Variants in MED13L observed in about 807,000 individuals in gnomAD.
The protein encoded by MED13L is mediator complex subunit 13L.
Under a neutral mutation model 220.9 loss-of-function variants are expected in MED13L, and 7 were observed. The ratio of observed to expected loss-of-function variants is 0.03; its 90% CI spans 0.02 to 0.06. The LOEUF is 0.06. MED13L is among the 10% of genes least tolerant of loss of function. MED13L has a pLI of 1.00. For missense variants in MED13L, 1,965 were observed against 2,760.5 expected (o/e 0.71, Z 6.46); for synonymous variants, 1,011 against 1,015.2 (o/e 1.00, Z 0.08).
At chr12:116,152,585 A>T (rs946033089) in intron 2 of MED13L, among the ~76,000 whole-genome samples, 2 of 152,148 alleles carry the variant, frequency 1.3e-5, no homozygotes, top group African/African-American at 2.4e-5. Context: ...AGAGGTAAAG[A>T]TTTGGAATCA....
intron 3 of MED13L, among the ~76,000 whole-genome samples, chr12:116,106,046 T>C (rs1278214723): frequency 6.6e-6 from 1 of 151,836 alleles, no homozygotes; most frequent in Non-Finnish European, 1.5e-5. Context: ...CCAACATGAG[T>C]TGTGGAGGGA....
At chr12:116,131,572 C>T (rs761974189) in intron 2 of MED13L, among the ~76,000 whole-genome samples, 3 of 152,164 alleles carry the variant, frequency 2.0e-5, no homozygotes, top group South Asian at 2.1e-4. Flanking sequence ...CTTTAACAGA[C>T]GTTACGATGA....
At chr12:116,018,275 A>G (rs1428312311) in intron 7 of MED13L, among the ~76,000 whole-genome samples, 1 of 152,204 alleles carries the variant, frequency 6.6e-6, no homozygotes, top group African/African-American at 2.4e-5. Context: ...TCAATCACAA[A>G]GTATATGCTT....
At chr12:116,040,400 T>C (rs1458762924) in intron 4 of MED13L, among the ~76,000 whole-genome samples, 1 of 152,208 alleles carries the variant, frequency 6.6e-6, no homozygotes, top group Admixed American at 6.5e-5. Context: ...AACTACAAAA[T>C]CTGATTAATA....
intron 2 of MED13L, among the ~76,000 whole-genome samples, chr12:116,201,847 A>T (rs1882025954): frequency 6.6e-6 from 1 of 152,230 alleles, no homozygotes; most frequent in Admixed American, 6.5e-5. Context: ...ATAATACAGT[A>T]AGAAAATAAG....
At chr12:116,065,291 G>C (rs1243888514) in intron 4 of MED13L, among the ~76,000 whole-genome samples, 2 of 152,016 alleles carry the variant, frequency 1.3e-5, no homozygotes, top group African/African-American at 2.4e-5. Flanking sequence ...TGAAAATAAT[G>C]TTTACATGTA....
intron 1 of MED13L, among the ~76,000 whole-genome samples, chr12:116,242,323 G>A (rs1002279837): frequency 2.6e-5 from 4 of 152,100 alleles, no homozygotes; most frequent in Non-Finnish European, 4.4e-5. Context: ...GGGATTACAG[G>A]CGTGAGCCAT....
rs970819884 is a variant in MED13L, at chr12:116,019,292, C to T, written c.941G>A (p.Ser314Asn). The T allele has an allele frequency of 6.2e-7, 1 of 1,614,034 alleles. No individual in the cohort carries two copies. Among genetic ancestry groups the T allele is most frequent in the Non-Finnish European group, 8.5e-7 (1 of 1,179,950 alleles). The change falls in exon 7 of 31, where the codon AGT becomes AAT. Residue 314 changes from serine to asparagine, a missense_variant. Around this residue, in one of 10 missense-constraint regions of MED13L, gnomAD observed 818 missense variants for 1,041.2 expected, o/e 0.79. Coordinates refer to ENST00000281928, the MANE Select transcript of MED13L (RefSeq NM_015335.5). ...CCCACAGTTACTTGGGTCCTTCACA[C>T]TACCAAGCCCTTGCTGCCCAACTGC... ...HIAVGQQGLG[S>N]VKDPSNCGMP...
chr12:116,178,205 G>C (rs975080087), intron 2 of MED13L, among the ~76,000 whole-genome samples: 5 of 152,090 alleles, frequency 3.3e-5, no homozygotes, highest in Non-Finnish European at 7.4e-5. Flanking sequence ...AGAATTTTCA[G>C]CATCAGTTCC....
At chr12:116,268,003 T>TA (rs1366582991) in intron 1 of MED13L, among the ~76,000 whole-genome samples, 2 of 152,116 alleles carry the variant, frequency 1.3e-5, no homozygotes, top group Admixed American at 1.3e-4. Context: ...TAAGCTGAAA[T>TA]AAAAACAGCA....
rs146398115 is a variant in MED13L, at chr12:116,267,321, G to A, written c.72+9739C>T. On this transcript the variant is annotated intron_variant, in intron 1 of 30. Transcript: ENST00000281928. The stretch of plus-strand genomic sequence containing the variant: ...TTCTTCTCAATCTTGGCTTATTTAC[G>A]AGGAAAGACACAAGAACAATTTAAT... 3.9e-5 allele frequency among the ~76,000 whole-genome samples: 6 copies of A among 152,244 alleles called. No individual in the cohort carries two copies. The East Asian group carries it at 7.7e-4, about 20-fold the overall frequency.
chr12:116,265,179 C>A (rs572162501), intron 1 of MED13L, among the ~76,000 whole-genome samples: 2 of 152,202 alleles, frequency 1.3e-5, no homozygotes, highest in African/African-American at 4.8e-5. Context: ...AGGTTCACCA[C>A]GATTGTCTCT....
chr12:116,197,780 A>T lies in MED13L; in HGVS notation c.310+39688T>A, dbSNP rs1267005140. On this transcript the variant is annotated intron_variant, in intron 2 of 30. Transcript: ENST00000281928. ...AACTCCGTCTCAAAAAAAGAAAAAA[A>T]GGAAAAAAAAAAAGCAGTTACTCAC... 2.0e-5 allele frequency among the ~76,000 whole-genome samples: 3 copies of T among 150,658 alleles called. No homozygotes were observed. In the South Asian group the frequency reaches 6.3e-4, roughly 31 times the overall value.
chr12:116,196,723 T>C (rs571743003), intron 2 of MED13L, among the ~76,000 whole-genome samples: 88 of 152,352 alleles, frequency 5.8e-4, no homozygotes, highest in African/African-American at 2.0e-3. Flanking sequence ...GCTGCATTTA[T>C]ATTATAAAAT....
rs1224315076 is a variant in MED13L, at chr12:115,965,143, ATG to A, written c.6387+937_6387+938del. Among the ~76,000 whole-genome samples, 4 of 152,202 alleles carry A rather than the reference ATG, an allele frequency of 2.6e-5. No homozygotes were observed. The East Asian group carries it at 7.7e-4, about 29-fold the overall frequency. Reference sequence around the variant, plus strand: ...TTTCTTTCTGAAAATATACACAGCTATGTGTGTACGTGTATATGTGTGTGAAT... The same window carrying A: ...TTTCTTTCTGAAAATATACACAGCTATGTGTACGTGTATATGTGTGTGAAT... On this transcript the variant is annotated intron_variant, in intron 29 of 30. Transcript: ENST00000281928.
intron 2 of MED13L, among the ~76,000 whole-genome samples, chr12:116,116,313 A>G (rs1442734711): frequency 1.3e-5 from 2 of 152,144 alleles, no homozygotes; most frequent in African/African-American, 4.8e-5. Flanking sequence ...CAATGATTTA[A>G]TGAATCAAAC....
intron 3 of MED13L, among the ~76,000 whole-genome samples, chr12:116,109,497 T>C (rs1873896149): frequency 6.6e-6 from 1 of 152,192 alleles, no homozygotes; most frequent in Non-Finnish European, 1.5e-5. Context: ...TTTGTTCGTA[T>C]TCTTCTGAAA....
At chr12:116,086,432 A>G (rs1371450593) in intron 4 of MED13L, among the ~76,000 whole-genome samples, 2 of 151,780 alleles carry the variant, frequency 1.3e-5, no homozygotes, top group African/African-American at 2.4e-5. Context: ...ACAGACTTGC[A>G]CCACCACGCC....
At chr12:116,209,851 C>T (rs1238213353) in intron 2 of MED13L, among the ~76,000 whole-genome samples, 6 of 152,134 alleles carry the variant, frequency 3.9e-5, no homozygotes, top group Non-Finnish European at 8.8e-5. Flanking sequence ...TCTGTCTTAC[C>T]CTATTCTTCC....
Sources: gnomAD v4.1 joint callset for allele counts (sites outside exome capture counted in the v4.1 genomes callset) on GRCh38, gnomAD v4.1.1 for gene constraint, gnomAD v4.1.1 regional missense constraint, MANE v1.5 for transcripts, NCBI Gene and HGNC (gene_info 2026-07-23, HGNC 2026-07-21) for gene names.